PSME4: variants seen among roughly 807,000 people sequenced by gnomAD.
PSME4 encodes the protein proteasome activator subunit 4.
In PSME4, 89 loss-of-function variants were observed where a neutral mutation model predicts 253.9. That is an observed-to-expected ratio of 0.35 (90% CI 0.30 to 0.42). The LOEUF is 0.42. Ranked by LOEUF, PSME4 falls within the 10% of genes least tolerant of loss-of-function variation. The pLI is 1.00. For missense variants in PSME4, 2,014 were observed against 2,195.2 expected (o/e 0.92, Z 1.65); for synonymous variants, 851 against 759.2 (o/e 1.12, Z -1.99).
intron 43 of PSME4, among the ~76,000 whole-genome samples, chr2:53,873,342 T>G (rs946163051): frequency 6.6e-6 from 1 of 151,882 alleles, no homozygotes; most frequent in Non-Finnish European, 1.5e-5. Flanking sequence ...ATAGACTCAT[T>G]AGGGAGGTAG....
intron 18 of PSME4, 120 bp from the exon 19 acceptor site, chr2:53,920,470 G>C (rs969877558): frequency 1.0e-6 from 1 of 996,678 alleles, no homozygotes; most frequent in African/African-American, 1.7e-5. Flanking sequence ...CCAAACCTAA[G>C]GTAGCAAATG....
chr2:53,922,107 G>A (rs1668353691), intron 17 of PSME4, among the ~76,000 whole-genome samples: 1 of 152,076 alleles, frequency 6.6e-6, no homozygotes, highest in Admixed American at 6.5e-5. Flanking sequence ...GGGAGGCGGA[G>A]TTTGCAGTGA....
intron 3 of PSME4, among the ~76,000 whole-genome samples, chr2:53,946,601 T>C (rs1308616014): frequency 1.3e-5 from 2 of 152,184 alleles, no homozygotes; most frequent in East Asian, 3.8e-4. Context: ...TGAGTTTTCT[T>C]AAAAAATACT....
At position 53,874,507 on chromosome 2, in the gene PSME4, AATAAAT is replaced by A; in HGVS notation, c.4945-19_4945-14del. The A allele has an allele frequency of 1.9e-6, 3 of 1,612,146 alleles. No individual in the cohort carries two copies. Among genetic ancestry groups the A allele is most frequent in the South Asian group, 1.1e-5 (1 of 90,624 alleles). On this transcript the variant is annotated splice_polypyrimidine_tract_variant and intron_variant, in intron 42 of 46. Coordinates refer to ENST00000404125, the MANE Select transcript of PSME4 (RefSeq NM_014614.3). Reference sequence around the variant, plus strand: ...TGCTTCTTGCTGTCTGTGAATGACAAATAAATATAAACGATAAAGCAGTACTGACAA... The same window carrying A: ...TGCTTCTTGCTGTCTGTGAATGACAAATAAACGATAAAGCAGTACTGACAA...
intron 26 of PSME4, among the ~76,000 whole-genome samples, chr2:53,904,682 T>A (rs1680566023): frequency 1.3e-5 from 2 of 152,132 alleles, no homozygotes; most frequent in African/African-American, 4.8e-5. Context: ...AGTTAAATAG[T>A]AATGGATAAT....
At chr2:53,957,165 C>T (rs1388003536) in intron 1 of PSME4, among the ~76,000 whole-genome samples, 1 of 152,152 alleles carries the variant, frequency 6.6e-6, no homozygotes, top group East Asian at 1.9e-4. Context: ...TTCTTTAGAG[C>T]AGTGGTCCCC....
intron 20 of PSME4, chr2:53,917,144 ATAT>A (rs1484365669): frequency 6.6e-6 from 1 of 151,794 alleles, no homozygotes; most frequent in East Asian, 1.9e-4. Context: ...TTACTTCATC[ATAT>A]TATTACATTA....
chr2:53,942,987 G>C (rs2104470833), intron 3 of PSME4, among the ~76,000 whole-genome samples: 1 of 152,284 alleles, frequency 6.6e-6, no homozygotes, highest in East Asian at 1.9e-4. Context: ...AATACTAACA[G>C]ATAAGCCTGA....
intron 20 of PSME4, among the ~76,000 whole-genome samples, chr2:53,915,110 A>G (rs2104446584): frequency 6.6e-6 from 1 of 152,222 alleles, no homozygotes; most frequent in East Asian, 1.9e-4. Context: ...TATTAGGACT[A>G]AGTTAGACAT....
Position 53,864,161 on chromosome 2 carries a change from G to A in PSME4, c.*1417C>T, listed in dbSNP as rs924096623. On this transcript the variant is annotated 3_prime_UTR_variant, in exon 47 of 47. Transcript: ENST00000404125. ...TACAGGGATTACGCCTGTGTATGCCGACACTTAAATACTGTACCAGGACCA... is the reference window on the plus strand; with the variant it reads ...TACAGGGATTACGCCTGTGTATGCCAACACTTAAATACTGTACCAGGACCA... 1.3e-5 allele frequency: 2 copies of A among 152,142 alleles called. No homozygotes were observed. Among genetic ancestry groups the A allele is most frequent in the African/African-American group, 2.4e-5 (1 of 41,418 alleles). The allele number at this position is 152,142 out of a possible 1,614,324, so 9.4% of individuals were successfully genotyped here. A position where few individuals can be genotyped will look rare whatever the true frequency, so the allele number is the denominator to read the frequency against.
intron 1 of PSME4, 150 bp downstream of exon 1, chr2:53,970,393 G>C: frequency 7.5e-7 from 1 of 1,334,314 alleles, no homozygotes; most frequent in South Asian, 1.4e-5. Context: ...TACTTCACAG[G>C]CTCTGTCACG....
At chr2:53,889,861 T>C (rs1025132268) in intron 37 of PSME4, among the ~76,000 whole-genome samples, 1 of 152,192 alleles carries the variant, frequency 6.6e-6, no homozygotes, top group Non-Finnish European at 1.5e-5. Flanking sequence ...TTTGAAAGGC[T>C]GAATAGAGCC....
chr2:53,877,244 C>T (rs1679177016), intron 41 of PSME4, among the ~76,000 whole-genome samples: 1 of 110,416 alleles, frequency 9.1e-6, no homozygotes, highest in African/African-American at 3.9e-5. Flanking sequence ...GATCCTGCCT[C>T]TACAAAAAAA....
At chr2:53,921,194 C>A (rs805330) in intron 17 of PSME4, 90 bp from the exon 18 acceptor site, 715,004 of 1,553,470 alleles carry the variant, frequency 0.46, 167,220 homozygotes, top group East Asian at 0.65. Flanking sequence ...GGCCACTAAC[C>A]TAGTGTTTCT....
At chr2:53,916,742 G>A (rs1668079911) in intron 20 of PSME4, among the ~76,000 whole-genome samples, 1 of 151,780 alleles carries the variant, frequency 6.6e-6, no homozygotes, top group African/African-American at 2.4e-5. Flanking sequence ...TTAACCATCT[G>A]TTAAAAAAAA....
chr2:53,895,817 G>C, intron 32 of PSME4, 81 bp from the exon 33 acceptor site: 2 of 1,303,078 alleles, frequency 1.5e-6, no homozygotes, highest in Admixed American at 2.4e-5. Flanking sequence ...AACAGTACCA[G>C]CATAACTTTG....
chr2:53,907,723 C>G (rs1051949356), intron 24 of PSME4, among the ~76,000 whole-genome samples: 19 of 152,190 alleles, frequency 1.2e-4, no homozygotes, highest in Admixed American at 5.2e-4. Context: ...CCCCTGGCCC[C>G]TAAAAGCATG....
At chr2:53,938,198 C>T (rs888886706) in intron 4 of PSME4, among the ~76,000 whole-genome samples, 4 of 152,086 alleles carry the variant, frequency 2.6e-5, no homozygotes, top group African/African-American at 9.7e-5. Flanking sequence ...AGAATCCAGT[C>T]TAAACAGGAA....
At chr2:53,961,192 T>G (rs1219075627) in intron 1 of PSME4, among the ~76,000 whole-genome samples, 2 of 152,240 alleles carry the variant, frequency 1.3e-5, no homozygotes, top group African/African-American at 2.4e-5. Context: ...ATTTATAGTA[T>G]GTGCTGCTTT....
Sources: gnomAD v4.1 joint callset for allele counts (sites outside exome capture counted in the v4.1 genomes callset) on GRCh38, gnomAD v4.1.1 for gene constraint, MANE v1.5 for transcripts, NCBI Gene and HGNC (gene_info 2026-07-23, HGNC 2026-07-21) for gene names.